The following PDS5B variants were observed in gnomAD, a reference collection of about 807,000 sequenced individuals.
The protein encoded by PDS5B is PDS5 cohesin associated factor B.
In PDS5B, 51 loss-of-function variants were observed where a neutral mutation model predicts 184.1. The ratio of observed to expected loss-of-function variants is 0.28; its 90% CI spans 0.22 to 0.35. PDS5B has a LOEUF of 0.35. Ranked by LOEUF, PDS5B falls within the 10% of genes least tolerant of loss-of-function variation. The probability of loss-of-function intolerance (pLI) is 1.00; values close to 1 mark genes in which losing one functional copy is unlikely to be tolerated. For missense variants in PDS5B, 1,180 were observed against 1,723.3 expected (o/e 0.68, Z 5.58); for synonymous variants, 566 against 569.2 (o/e 0.99, Z 0.08).
At chr13:32,701,783 T>A (rs1951869979) in intron 17 of PDS5B, among the ~76,000 whole-genome samples, 1 of 152,154 alleles carries the variant, frequency 6.6e-6, no homozygotes, top group South Asian at 2.1e-4. Flanking sequence ...TGTTAACTTG[T>A]ATAGTTTAGG....
At chr13:32,704,563 A>G (rs1378628549) in intron 17 of PDS5B, among the ~76,000 whole-genome samples, 6 of 152,108 alleles carry the variant, frequency 3.9e-5, no homozygotes, top group Admixed American at 3.3e-4. Flanking sequence ...AGTTGTATGA[A>G]CTCCATTTAC....
At chr13:32,694,754 G>A (rs969423838) in intron 14 of PDS5B, among the ~76,000 whole-genome samples, 2 of 151,176 alleles carry the variant, frequency 1.3e-5, no homozygotes, top group Non-Finnish European at 3.0e-5. Context: ...AGATTTTAAT[G>A]TACTACCTAG....
At chr13:32,708,784 G>GT (rs200909119) in intron 18 of PDS5B, among the ~76,000 whole-genome samples, 1,605 of 149,852 alleles carry the variant, frequency 0.011, 22 homozygotes, top group African/African-American at 0.036. Context: ...TCTATCTTTT[G>GT]TTTTTTTTTA....
At chr13:32,734,007 C>CACACACACACACACACAA (rs1476189073) in intron 20 of PDS5B, among the ~76,000 whole-genome samples, 1 of 151,034 alleles carries the variant, frequency 6.6e-6, no homozygotes, top group East Asian at 1.9e-4. Flanking sequence ...CACACACACA[C>CACACACACACACACACAA]ACACACAAAC....
chr13:32,635,009 T>TTG (rs2058518821), intron 1 of PDS5B, among the ~76,000 whole-genome samples: 1 of 150,536 alleles, frequency 6.6e-6, no homozygotes, highest in Middle Eastern at 3.4e-3. Context: ...CTCTTTTTTT[T>TTG]TTTTTTTTTT....
chr13:32,700,047 T>C (rs1038709472), intron 16 of PDS5B, among the ~76,000 whole-genome samples, 178 bp downstream of exon 16: 1 of 152,218 alleles, frequency 6.6e-6, no homozygotes, highest in Non-Finnish European at 1.5e-5. Flanking sequence ...TATGTCCTTC[T>C]AAAATGAGAT....
chr13:32,622,037 A>G (rs2058309403), intron 1 of PDS5B, among the ~76,000 whole-genome samples: 1 of 151,444 alleles, frequency 6.6e-6, no homozygotes, highest in Non-Finnish European at 1.5e-5. Context: ...ATTCTTGATC[A>G]GCGTCACCAG....
intron 17 of PDS5B, among the ~76,000 whole-genome samples, chr13:32,703,148 T>TA (rs201915258): frequency 5.3e-5 from 8 of 151,016 alleles, no homozygotes; most frequent in East Asian, 3.9e-4. Context: ...GACAAACAAT[T>TA]AAAAAAAAAT....
At chr13:32,604,651 CCAG>C (rs2058031681) in intron 1 of PDS5B, among the ~76,000 whole-genome samples, 1 of 151,686 alleles carries the variant, frequency 6.6e-6, no homozygotes, top group Non-Finnish European at 1.5e-5. Context: ...AGGAATGGTA[CCAG>C]CTCCTCTTTG....
At chr13:32,721,306 G>T in intron 19 of PDS5B, among the ~76,000 whole-genome samples, 1 of 147,418 alleles carries the variant, frequency 6.8e-6, no homozygotes, top group Non-Finnish European at 1.5e-5. Flanking sequence ...TGCCGGGCGG[G>T]GGAACCCCCC....
intron 1 of PDS5B, among the ~76,000 whole-genome samples, chr13:32,632,279 A>G (rs2058469118): frequency 6.6e-6 from 1 of 152,220 alleles, no homozygotes; most frequent in African/African-American, 2.4e-5. Context: ...ATCTTTAACA[A>G]GGATTTAATG....
chr13:32,660,224 A>AG (rs1555297295), intron 6 of PDS5B, among the ~76,000 whole-genome samples: 1 of 152,116 alleles, frequency 6.6e-6, no homozygotes, highest in Non-Finnish European at 1.5e-5. Context: ...ACAGGAGAGA[A>AG]GGGGGAAGCT....
intron 17 of PDS5B, 39 bp downstream of exon 17, chr13:32,701,477 A>C (rs1361165413): frequency 5.0e-6 from 6 of 1,202,456 alleles, no homozygotes; most frequent in Non-Finnish European, 7.3e-6. Flanking sequence ...ATTGCTGTTC[A>C]TTAATGTGTA....
chr13:32,665,776 G>A (rs992881318), intron 6 of PDS5B, among the ~76,000 whole-genome samples: 10 of 152,018 alleles, frequency 6.6e-5, no homozygotes, highest in Admixed American at 6.6e-4. Context: ...ATCAATGGAT[G>A]AGTGTATAAA....
At chr13:32,762,211 G>T (rs559406370) in intron 30 of PDS5B, among the ~76,000 whole-genome samples, 1 of 152,146 alleles carries the variant, frequency 6.6e-6, no homozygotes, top group Admixed American at 6.5e-5. Flanking sequence ...TAGCATAAGT[G>T]CTTAGGGCAC....
intron 11 of PDS5B, among the ~76,000 whole-genome samples, chr13:32,685,153 T>G (rs958247077): frequency 6.6e-6 from 1 of 152,136 alleles, no homozygotes; most frequent in Admixed American, 6.6e-5. Flanking sequence ...CCATCTCCCT[T>G]GTTTAATACT....
chr13:32,670,543 TA>T (rs1183243872), intron 7 of PDS5B, among the ~76,000 whole-genome samples: 3 of 152,152 alleles, frequency 2.0e-5, no homozygotes, highest in Non-Finnish European at 4.4e-5. Context: ...TATTTTTTTT[TA>T]AATAGAATTT....
intron 34 of PDS5B, among the ~76,000 whole-genome samples, chr13:32,774,121 A>G (rs73458720): frequency 0.01 from 1,574 of 152,306 alleles, 38 homozygotes; most frequent in African/African-American, 0.036. Context: ...CTTTTAAAGT[A>G]ATAAATAAAT....
intron 21 of PDS5B, among the ~76,000 whole-genome samples, chr13:32,738,733 G>T (rs1020653457): frequency 6.6e-6 from 1 of 151,802 alleles, no homozygotes; most frequent in African/African-American, 2.4e-5. Flanking sequence ...GTGCAGTGGC[G>T]CCATCTCGGC....
Sources: gnomAD v4.1 joint callset for allele counts (sites outside exome capture counted in the v4.1 genomes callset) on GRCh38, gnomAD v4.1.1 for gene constraint, MANE v1.5 for transcripts, NCBI Gene and HGNC (gene_info 2026-07-23, HGNC 2026-07-21) for gene names.